Variants in FN1 observed in about 807,000 individuals in gnomAD.
FN1 encodes fibronectin.
Under a neutral mutation model 297.3 loss-of-function variants are expected in FN1, and 106 were observed. The observed-to-expected ratio is 0.36, with a 90% confidence interval of 0.30 to 0.42. The LOEUF is 0.42. Ranked by LOEUF, FN1 falls within the 10% of genes least tolerant of loss-of-function variation. FN1 has a pLI of 1.00. For missense variants in FN1, 2,690 were observed against 3,124.9 expected, an observed-to-expected ratio of 0.86 and a Z score of 3.32; for synonymous variants, 1,149 against 1,152.6, an observed-to-expected ratio of 1.00 and a Z score of 0.06.
At position 215,364,904 on chromosome 2, in the gene FN1, G is replaced by A. The variant is rs1399207022; in HGVS notation, c.7226C>T (p.Ser2409Phe). 20 of 1,566,454 alleles carry A rather than the reference G, an allele frequency of 1.3e-5. No individual in the cohort carries two copies. Among genetic ancestry groups the A allele is most frequent in the Non-Finnish European group, 1.6e-5 (19 of 1,154,628 alleles). ...CCGCTGGCCTCCAAAGCATGTGCAGGAGCAAATGGCACCGAGATATTCCTT... is the reference window on the plus strand; with the variant it reads ...CCGCTGGCCTCCAAAGCATGTGCAGAAGCAAATGGCACCGAGATATTCCTT... ...WQKEYLGAIC[S>F]CTCFGGQRGW... Residue 2409 changes from serine to phenylalanine, a missense_variant, in exon 44 of 46, where the codon TCC becomes TTC. By Grantham distance (155) the Ser-to-Phe change is radical. Transcript: ENST00000354785.
At chr2:215,433,964 T>G (rs1347522865) in intron 2 of FN1, among the ~76,000 whole-genome samples, 2 of 152,152 alleles carry the variant, frequency 1.3e-5, no homozygotes, top group Admixed American at 6.5e-5. Context: ...TAGCTGGGTG[T>G]GGTGGCATGT....
chr2:215,414,534 A>C lies in FN1; in HGVS notation c.1941+303T>G, dbSNP rs767148868. 1.2e-4 allele frequency: 40 copies of C among 339,156 alleles called. 2 individuals carry two copies. Among genetic ancestry groups the C allele is most frequent in the Non-Finnish European group, 1.8e-4 (38 of 208,122 alleles). 21.0% of individuals were successfully genotyped at this position (339,156 alleles called of 1,614,324 possible). A position where few individuals can be genotyped will look rare whatever the true frequency, so the allele number is the denominator to read the frequency against. On this transcript the variant is annotated intron_variant, in intron 13 of 45. Coordinates refer to ENST00000354785, the MANE Select transcript of FN1 (RefSeq NM_212482.4). ...TTCTCTTCCCACATTGGGCAAGAAC[A>C]ATCTTAAGCATTATCATTTCTAAGT...
chr2:215,377,238 C>A (rs1334615798), intron 35 of FN1, among the ~76,000 whole-genome samples: 1 of 152,150 alleles, frequency 6.6e-6, no homozygotes, highest in African/African-American at 2.4e-5. Context: ...ATTGATATAA[C>A]AGAAGACTAG....
Position 215,380,971 on chromosome 2 carries a change from C to A in FN1, c.5274G>T (p.Ser1758=), listed in dbSNP as rs34923683. 31,591 of 1,614,172 alleles carry A rather than the reference C, an allele frequency of 0.02. 390 individuals carry two copies. The highest frequency in any genetic ancestry group is 0.024 in the Non-Finnish European group (28,070 of 1,180,012). ...GQVSRYRVTY[S]SPEDGIHELF... The stretch of plus-strand genomic sequence containing the variant: ...GCTCATGGATTCCATCCTCAGGGCT[C>A]GAGTAGGTCACCCTGTACCTGGAAA... Residue 1758 remains serine (S), a synonymous_variant, in exon 33 of 46, where the codon TCG becomes TCT. Transcript: ENST00000354785.
At chr2:215,370,547 C>CAAAAAAAA (rs1559336677) in intron 40 of FN1, 115 bp from the exon 41 acceptor site, 3 of 297,770 alleles carry the variant, frequency 1.0e-5, no homozygotes, top group African/African-American at 9.8e-5. Context: ...AGACAAAAAA[C>CAAAAAAAA]AAAAAACAAA....
intron 17 of FN1, 84 bp from the exon 18 acceptor site, chr2:215,407,405 T>C (rs893465229): frequency 5.6e-5 from 64 of 1,139,848 alleles, no homozygotes; most frequent in Non-Finnish European, 7.3e-5. Context: ...CCTTTTCTAA[T>C]ATCCCTTAGC....
In FN1 at chr2:215,370,540, C is replaced by CCAAAAAAAAAAAAAAAAAAAAA. The variant is rs1553600561; in HGVS notation, c.6715-109_6715-108insTTTTTTTTTTTTTTTTTTTTTG. The CCAAAAAAAAAAAAAAAAAAAAA allele has an allele frequency of 4.7e-5, 14 of 300,104 alleles. No homozygotes were observed. The African/African-American group carries it at 5.2e-4, about 11-fold the overall frequency. 18.6% of individuals were successfully genotyped at this position (300,104 alleles called of 1,614,324 possible). On this transcript the variant is annotated intron_variant, in intron 40 of 45. Coordinates refer to ENST00000354785, the MANE Select transcript of FN1 (RefSeq NM_212482.4). ...ACTGTTTAAACAAAGCAAAGGAAGACAAAAAACAAAAAACAAAAAAAAAAA... is the reference window on the plus strand; with the variant it reads ...ACTGTTTAAACAAAGCAAAGGAAGACCAAAAAAAAAAAAAAAAAAAAAAAAAAACAAAAAACAAAAAAAAAAA...
intron 6 of FN1, among the ~76,000 whole-genome samples, chr2:215,427,461 T>A (rs2065667392): frequency 6.6e-6 from 1 of 152,246 alleles, no homozygotes; most frequent in Non-Finnish European, 1.5e-5. Context: ...CAGATTTTTA[T>A]GAAACATTTA....
chr2:215,376,812 C>G, intron 35 of FN1, 138 bp from the exon 36 acceptor site: 1 of 715,878 alleles, frequency 1.4e-6, no homozygotes, highest in South Asian at 1.7e-5. Context: ...TAGATTATCT[C>G]CTTTGGCATT....
Position 215,383,477 on chromosome 2 carries a change from T to C in FN1, c.4901A>G (p.Asp1634Gly). 6.2e-7 allele frequency: 1 copy of C among 1,614,146 alleles called. No homozygotes were observed. Among genetic ancestry groups the C allele is most frequent in the Non-Finnish European group, 8.5e-7 (1 of 1,180,012 alleles). The change falls in exon 31 of 46, where the codon GAC becomes GGC. Residue 1634 changes from aspartate to glycine, a missense_variant. By Grantham distance (94) the Asp-to-Gly change is moderately conservative (BLOSUM62 -1). Coordinates refer to ENST00000354785, the MANE Select transcript of FN1 (RefSeq NM_212482.4). ...PISINYRTEIDKPSQMQVTDV... is the reference protein window; with the variant it reads ...PISINYRTEIGKPSQMQVTDV... Reference sequence around the variant, plus strand: ...GGTCACTTGCATCTGGGATGGTTTGTCAATTTCTACAAATAAAAGCAGGGA... The same window carrying C: ...GGTCACTTGCATCTGGGATGGTTTGCCAATTTCTACAAATAAAAGCAGGGA...
intron 17 of FN1, 127 bp from the exon 18 acceptor site, chr2:215,407,448 T>C: frequency 1.3e-6 from 1 of 781,582 alleles, no homozygotes; most frequent in Non-Finnish European, 2.2e-6. Flanking sequence ...CCAGTGATAC[T>C]TTTTGACTCT....
chr2:215,420,338 C>CAAAAA (rs1321866681), intron 11 of FN1, among the ~76,000 whole-genome samples: 2 of 119,016 alleles, frequency 1.7e-5, no homozygotes, highest in African/African-American at 2.7e-5. Flanking sequence ...AACTCTCTCT[C>CAAAAA]AAAAAAACAA....
In FN1 at chr2:215,368,027, A is replaced by G; in HGVS notation, c.6854T>C (p.Val2285Ala). 6.2e-7 allele frequency: 1 copy of G among 1,614,176 alleles called. No individual in the cohort carries two copies. Among genetic ancestry groups the G allele is most frequent in the Non-Finnish European group, 8.5e-7 (1 of 1,179,974 alleles). ...REEVVTVGNS[V>A]NEGLNQPTDD... ...CGTAGGTTGGTTCAAGCCTTCGTTG[A>G]CTATGAAGAAAAGGAAGAAAAAGCA... is the stretch of plus-strand genomic sequence containing the variant. Residue 2285 changes from valine (V) to alanine (A), a missense_variant and splice_region_variant, in exon 42 of 46, where the codon GTC becomes GCC. This residue lies in a region of FN1 where 1,743 missense variants were observed against 1,945.2 expected (regional missense o/e 0.90). Coordinates refer to ENST00000354785, the MANE Select transcript of FN1 (RefSeq NM_212482.4).
At chr2:215,435,543 AGCGCGCACACACTCGCACACACGC>A (rs1262332153) in intron 1 of FN1, 88 bp downstream of exon 1, 3 of 1,480,768 alleles carry the variant, frequency 2.0e-6, no homozygotes, top group Non-Finnish European at 2.8e-6. Context: ...CTCTCAGTAA[AGCGCGCACACACTCGCACACACGC>A]GCGCGCACAA....
intron 4 of FN1, 106 bp downstream of exon 4, chr2:215,431,727 G>GT (rs1374751287): frequency 8.7e-7 from 1 of 1,154,890 alleles, no homozygotes; most frequent in African/African-American, 1.5e-5. Flanking sequence ...TTCTTTATTG[G>GT]TTTTCACTGG....
At chr2:215,373,788 C>T (rs1438816360) in intron 38 of FN1, among the ~76,000 whole-genome samples, 1 of 151,260 alleles carries the variant, frequency 6.6e-6, no homozygotes, top group Non-Finnish European at 1.5e-5. Context: ...CAGCCATTCT[C>T]CTGCCTCAGC....
chr2:215,391,675 T>C lies in FN1; in HGVS notation c.4209A>G (p.Ala1403=), dbSNP rs1452905438. ...YSPVKNEEDV[A]ELSISPSDNA... ...TGTCTGAAGGAGAAATTGACAACTC[T>C]GCAACATCTTCCTCATTTTTCACAG... is the stretch of plus-strand genomic sequence containing the variant. Residue 1403 remains alanine, a synonymous_variant, in exon 26 of 46, where the codon GCA becomes GCG. Coordinates refer to ENST00000354785, the MANE Select transcript of FN1 (RefSeq NM_212482.4). The C allele has an allele frequency of 1.2e-6, 2 of 1,614,120 alleles. No homozygotes were observed. The highest frequency in any genetic ancestry group is 1.7e-6 in the Non-Finnish European group (2 of 1,179,976).
At chr2:215,362,104 A>C in intron 44 of FN1, 25 bp from the exon 45 acceptor site, 1 of 1,555,282 alleles carries the variant, frequency 6.4e-7, no homozygotes, top group Non-Finnish European at 8.9e-7. Flanking sequence ...GCATGAAGTC[A>C]AATGGGGTTT....
chr2:215,380,658 T>C (rs1393919548), intron 33 of FN1, 153 bp downstream of exon 33: 7 of 1,025,412 alleles, frequency 6.8e-6, no homozygotes, highest in South Asian at 5.6e-5. Context: ...CTAAGTTTTA[T>C]TGTTTCTTAC....
Sources: gnomAD v4.1 joint callset for allele counts (sites outside exome capture counted in the v4.1 genomes callset) on GRCh38, gnomAD v4.1.1 for gene constraint, gnomAD v4.1.1 regional missense constraint, MANE v1.5 for transcripts, NCBI Gene and HGNC (gene_info 2026-07-23, HGNC 2026-07-21) for gene names.